Variants in AFG1L observed in about 807,000 individuals in gnomAD.
AFG1L encodes AFG1-like ATPase.
Under a neutral mutation model 62.2 loss-of-function variants are expected in AFG1L, and 53 were observed. That is an observed-to-expected ratio of 0.85 (90% confidence interval 0.68 to 1.07). The LOEUF (loss-of-function observed/expected upper bound fraction) is 1.07, where lower values mean the gene tolerates loss of function less well. Among genes scored for constraint, AFG1L ranks in the 50% least tolerant of loss-of-function variants. The probability of loss-of-function intolerance (pLI) is 0.00; values close to 1 mark genes in which losing one functional copy is unlikely to be tolerated. For synonymous variants in AFG1L, 228 were observed against 210.3 expected (o/e 1.08, Z -0.73); for missense variants, 555 against 590.5 (o/e 0.94, Z 0.62).
At chr6:108,373,725 C>A (rs542054404) in intron 6 of AFG1L, among the ~76,000 whole-genome samples, 137 of 145,830 alleles carry the variant, frequency 9.4e-4, no homozygotes, top group African/African-American at 3.5e-3. Flanking sequence ...TACAGGCATG[C>A]GCCACCATGC....
At chr6:108,351,498 A>G (rs1779077941) in intron 3 of AFG1L, among the ~76,000 whole-genome samples, 1 of 152,164 alleles carries the variant, frequency 6.6e-6, no homozygotes, top group African/African-American at 2.4e-5. Flanking sequence ...GTGTGTATAC[A>G]ATTAGGTCAT....
At chr6:108,500,239 A>T (rs1014101535) in intron 10 of AFG1L, among the ~76,000 whole-genome samples, 2 of 147,430 alleles carry the variant, frequency 1.4e-5, no homozygotes, top group Non-Finnish European at 3.0e-5. Flanking sequence ...ATCTCAGGTG[A>T]TCTGCCTGCC....
intron 8 of AFG1L, among the ~76,000 whole-genome samples, chr6:108,469,568 G>T (rs1280567934): frequency 6.6e-6 from 1 of 152,132 alleles, no homozygotes; most frequent in South Asian, 2.1e-4. Flanking sequence ...CGTTGTAAGG[G>T]TGCAACAGGC....
chr6:108,397,040 G>GT (rs1781342252), intron 6 of AFG1L, among the ~76,000 whole-genome samples: 2 of 151,746 alleles, frequency 1.3e-5, no homozygotes, highest in Admixed American at 1.3e-4. Flanking sequence ...GTTTTTGTTT[G>GT]TTTTTTGAGA....
rs145430828 is a variant in AFG1L at position 108,325,824 on chromosome 6, G to A, written c.363+1776G>A. ...GAGACAGAGTGTTACTCTGTCTCCC[G>A]GGCTGAAGTGCAGTAGTGTGATATC... On this transcript the variant is annotated intron_variant, in intron 2 of 12. Coordinates refer to ENST00000368977, the MANE Select transcript of AFG1L (RefSeq NM_145315.5). Among the ~76,000 whole-genome samples, 20 of 150,712 alleles carry A rather than the reference G, an allele frequency of 1.3e-4. No homozygotes were observed. In the East Asian group the frequency reaches 3.3e-3, roughly 25 times the overall value.
intron 6 of AFG1L, among the ~76,000 whole-genome samples, chr6:108,366,572 T>TG (rs1358270902): frequency 6.6e-6 from 1 of 151,402 alleles, no homozygotes; most frequent in Non-Finnish European, 1.5e-5. Flanking sequence ...TTTTTTGTTT[T>TG]TTTTTTTCCC....
chr6:108,380,740 G>A (rs1780468544), intron 6 of AFG1L, among the ~76,000 whole-genome samples: 1 of 152,220 alleles, frequency 6.6e-6, no homozygotes, highest in South Asian at 2.1e-4. Context: ...ATTTCCCAGT[G>A]TCTTTCCTTC....
chr6:108,428,148 A>G (rs971932265), intron 7 of AFG1L, among the ~76,000 whole-genome samples: 1 of 152,094 alleles, frequency 6.6e-6, no homozygotes, highest in Non-Finnish European at 1.5e-5. Flanking sequence ...ATCACTGTCT[A>G]TGCTTTGCAT....
chr6:108,432,741 G>A (rs1771130767), intron 7 of AFG1L, among the ~76,000 whole-genome samples: 1 of 152,102 alleles, frequency 6.6e-6, no homozygotes, highest in African/African-American at 2.4e-5. Context: ...TGGCCCATTG[G>A]GATTACCTAA....
At chr6:108,437,204 G>T (rs886229318) in intron 7 of AFG1L, among the ~76,000 whole-genome samples, 2 of 152,086 alleles carry the variant, frequency 1.3e-5, no homozygotes, top group African/African-American at 4.8e-5. Flanking sequence ...CAAATATTTA[G>T]ACCATAGCAG....
intron 10 of AFG1L, among the ~76,000 whole-genome samples, chr6:108,492,170 A>G (rs1349332060): frequency 6.6e-6 from 1 of 152,134 alleles, no homozygotes; most frequent in Non-Finnish European, 1.5e-5. Context: ...AAAAGTTAAC[A>G]CTGGTTCACC....
intron 10 of AFG1L, among the ~76,000 whole-genome samples, chr6:108,496,027 T>G (rs1181403882): frequency 6.6e-6 from 1 of 152,194 alleles, no homozygotes; most frequent in Non-Finnish European, 1.5e-5. Flanking sequence ...CTAACTGAAG[T>G]GCCATTTAGT....
intron 8 of AFG1L, among the ~76,000 whole-genome samples, chr6:108,449,708 C>A (rs902095740): frequency 3.9e-5 from 6 of 151,998 alleles, no homozygotes; most frequent in South Asian, 2.1e-4. Context: ...CCATTAACTC[C>A]TCATTTAACA....
chr6:108,364,725 A>G lies in AFG1L; in HGVS notation c.649-1508A>G, dbSNP rs201981958. On this transcript the variant is annotated intron_variant, in intron 5 of 12. Coordinates refer to ENST00000368977, the MANE Select transcript of AFG1L (RefSeq NM_145315.5). ...CTCTGTCAGTGTTTTTGCGGAAGCC[A>G]AATTTGACAGTGATCCTAAACTCCA... 5.3e-5 allele frequency among the ~76,000 whole-genome samples: 8 copies of G among 152,316 alleles called. No homozygotes were observed. The East Asian group carries it at 1.5e-3, about 29-fold the overall frequency.
chr6:108,370,311 ATG>A (rs1779946810), intron 6 of AFG1L, among the ~76,000 whole-genome samples: 1 of 152,144 alleles, frequency 6.6e-6, no homozygotes, highest in Non-Finnish European at 1.5e-5. Flanking sequence ...GTATAGTAAT[ATG>A]ATGCATGCAG....
In AFG1L at chr6:108,356,822, T is replaced by A. The variant is rs770670383; in HGVS notation, c.648+2T>A. ...CTCCTATGTTTTGATGAATTTCAGG[T>A]AAAGTAGAGATTTTTCATAGATATA... On this transcript the variant is annotated splice_donor_variant, in intron 5 of 12. Coordinates refer to ENST00000368977, the MANE Select transcript of AFG1L (RefSeq NM_145315.5). LOFTEE classifies it high-confidence loss of function. The A allele has an allele frequency of 2.2e-5, 36 of 1,606,514 alleles. No homozygotes were observed. The African/African-American group carries it at 4.3e-4, about 19-fold the overall frequency.
At chr6:108,303,504 T>G (rs1018791798) in intron 1 of AFG1L, among the ~76,000 whole-genome samples, 5 of 152,206 alleles carry the variant, frequency 3.3e-5, no homozygotes, top group African/African-American at 1.2e-4. Flanking sequence ...GAGGACCATT[T>G]CTACTCCTTG....
At chr6:108,369,923 G>C (rs867673045) in intron 6 of AFG1L, among the ~76,000 whole-genome samples, 1 of 138,518 alleles carries the variant, frequency 7.2e-6, no homozygotes, top group Admixed American at 7.2e-5. Context: ...GATTGATCTG[G>C]CTGGCTGGCT....
chr6:108,323,879 A>G lies in AFG1L; in HGVS notation c.194A>G (p.Tyr65Cys). The part of the protein sequence containing the change: ...SMTPTATSET[Y>C]LKALAVCHGP... The stretch of plus-strand genomic sequence containing the variant: ...ACCCCAACTGCCACTTCAGAGACTT[A>G]TTTGAAAGCTTTGGCCGTTTGCCAT... Residue 65 changes from tyrosine (Y) to cysteine (C), a missense_variant, in exon 2 of 13, where the codon TAT becomes TGT. Tyr to Cys is a radical substitution (Grantham distance 194). Coordinates refer to ENST00000368977, the MANE Select transcript of AFG1L (RefSeq NM_145315.5). 1.2e-6 allele frequency: 2 copies of G among 1,614,188 alleles called. No individual in the cohort carries two copies. The highest frequency in any genetic ancestry group is 1.7e-6 in the Non-Finnish European group (2 of 1,180,038).
Sources: gnomAD v4.1 joint callset for allele counts (sites outside exome capture counted in the v4.1 genomes callset) on GRCh38, gnomAD v4.1.1 for gene constraint, MANE v1.5 for transcripts, NCBI Gene and HGNC (gene_info 2026-07-23, HGNC 2026-07-21) for gene names.